Variants in CFAP299 observed in about 807,000 individuals in gnomAD.
CFAP299 encodes the protein cilia- and flagella-associated protein 299.
In CFAP299, 21 loss-of-function variants were observed where a neutral mutation model predicts 27.0. That is an observed-to-expected ratio of 0.78 (90% CI 0.55 to 1.12). The LOEUF is 1.12. CFAP299 is among the 50% of genes most tolerant of loss of function. The pLI, the probability that CFAP299 is intolerant of heterozygous loss-of-function variation, is 0.00. For synonymous variants in CFAP299, 104 were observed against 98.1 expected (o/e 1.06, Z -0.36); for missense variants, 310 against 276.6 (o/e 1.12, Z -0.86).
intron 2 of CFAP299, among the ~76,000 whole-genome samples, chr4:80,382,405 C>G (rs4611920): frequency 1.3e-3 from 195 of 152,204 alleles, no homozygotes; most frequent in African/African-American, 4.4e-3. Flanking sequence ...AGCAGACAAC[C>G]TACAGAATTG....
chr4:80,598,124 G>A (rs1737150179), intron 3 of CFAP299, among the ~76,000 whole-genome samples: 1 of 152,170 alleles, frequency 6.6e-6, no homozygotes, highest in Non-Finnish European at 1.5e-5. Context: ...AAGTTTAGAA[G>A]TTTTCAGTAT....
At chr4:80,926,253 C>A (rs976847410) in intron 4 of CFAP299, among the ~76,000 whole-genome samples, 1 of 152,012 alleles carries the variant, frequency 6.6e-6, no homozygotes, top group African/African-American at 2.4e-5. Flanking sequence ...AGAGAGATGG[C>A]TTCCAGGTTT....
At chr4:80,563,318 A>G (rs994821286) in intron 2 of CFAP299, among the ~76,000 whole-genome samples, 1 of 152,180 alleles carries the variant, frequency 6.6e-6, no homozygotes, top group Non-Finnish European at 1.5e-5. Flanking sequence ...GTCTTAAAAC[A>G]TTCAAAAAAT....
At chr4:80,812,837 ATTAC>A (rs1172939783) in intron 3 of CFAP299, among the ~76,000 whole-genome samples, 3 of 152,136 alleles carry the variant, frequency 2.0e-5, no homozygotes, top group Non-Finnish European at 4.4e-5. Context: ...AGATTTCTAT[ATTAC>A]TTATTACAAG....
At chr4:80,692,928 C>CA (rs1560702499) in intron 3 of CFAP299, among the ~76,000 whole-genome samples, 1 of 151,922 alleles carries the variant, frequency 6.6e-6, no homozygotes, top group Non-Finnish European at 1.5e-5. Flanking sequence ...TTTATGCAGC[C>CA]AAAAAACACA....
intron 2 of CFAP299, among the ~76,000 whole-genome samples, chr4:80,408,440 A>T (rs1726540136): frequency 6.6e-6 from 1 of 152,110 alleles, no homozygotes; most frequent in South Asian, 2.1e-4. Context: ...CTTTTGTGAA[A>T]AGCCTGTTTT....
chr4:80,520,665 A>T (rs1732863342), intron 2 of CFAP299, among the ~76,000 whole-genome samples: 1 of 152,194 alleles, frequency 6.6e-6, no homozygotes, highest in South Asian at 2.1e-4. Context: ...CTCTTCACGC[A>T]TAGTGGGGAG....
chr4:80,853,291 A>G (rs1731633439), intron 3 of CFAP299, among the ~76,000 whole-genome samples: 2 of 152,308 alleles, frequency 1.3e-5, no homozygotes, highest in East Asian at 3.9e-4. Flanking sequence ...TCGACCTCCC[A>G]AAGTGCTGGG....
intron 3 of CFAP299, among the ~76,000 whole-genome samples, chr4:80,827,955 A>G (rs186304682): frequency 1.3e-5 from 2 of 152,206 alleles, no homozygotes; most frequent in Admixed American, 1.3e-4. Flanking sequence ...TTATAATAAT[A>G]TGAAATAGAA....
chr4:80,532,862 T>TGG (rs1233013786), intron 2 of CFAP299, among the ~76,000 whole-genome samples: 3 of 152,194 alleles, frequency 2.0e-5, no homozygotes, highest in African/African-American at 7.2e-5. Context: ...GGTAGGTCAC[T>TGG]GGGGGTGGCT....
intron 3 of CFAP299, among the ~76,000 whole-genome samples, chr4:80,651,487 C>T (rs1158341895): frequency 6.6e-6 from 1 of 151,164 alleles, no homozygotes; most frequent in Non-Finnish European, 1.5e-5. Flanking sequence ...CACCTCAGCC[C>T]CTCAAGTAAC....
At chr4:80,477,410 T>C (rs2110123190) in intron 2 of CFAP299, among the ~76,000 whole-genome samples, 1 of 152,262 alleles carries the variant, frequency 6.6e-6, no homozygotes, top group East Asian at 1.9e-4. Context: ...TTTCTGTCAC[T>C]CTCTTTATCC....
chr4:80,606,679 G>A (rs1314416555), intron 3 of CFAP299, among the ~76,000 whole-genome samples: 3 of 152,032 alleles, frequency 2.0e-5, no homozygotes, highest in South Asian at 2.1e-4. Context: ...GCTCTTCCAT[G>A]GCTTGCTCTT....
intron 5 of CFAP299, among the ~76,000 whole-genome samples, chr4:80,953,258 G>C (rs916749972): frequency 1.3e-5 from 2 of 152,206 alleles, no homozygotes; most frequent in Admixed American, 1.3e-4. Flanking sequence ...TTCCTTGGAG[G>C]CCTCTTATAA....
intron 3 of CFAP299, among the ~76,000 whole-genome samples, chr4:80,782,680 AT>A (rs1726982580): frequency 7.9e-6 from 1 of 127,360 alleles, no homozygotes; most frequent in South Asian, 2.1e-4. Context: ...TAATATACAT[AT>A]ATGAATATAT....
At chr4:80,940,986 G>A (rs1423331423) in intron 4 of CFAP299, among the ~76,000 whole-genome samples, 6 of 152,056 alleles carry the variant, frequency 3.9e-5, no homozygotes, top group African/African-American at 1.4e-4. Context: ...GTTTCTGTGG[G>A]GGATTCGTTC....
At chr4:80,817,828 T>C (rs911843604) in intron 3 of CFAP299, among the ~76,000 whole-genome samples, 11 of 150,918 alleles carry the variant, frequency 7.3e-5, no homozygotes, top group Non-Finnish European at 1.3e-4. Context: ...ATAGTTTTCT[T>C]TTTTTTTTTC....
chr4:80,553,569 T>C (rs1297734936), intron 2 of CFAP299, among the ~76,000 whole-genome samples: 2 of 152,222 alleles, frequency 1.3e-5, no homozygotes, highest in South Asian at 2.1e-4. Context: ...TTCAGCTTTT[T>C]GAGGAATCAC....
chr4:80,578,505 T>TATAAG (rs1289516201), intron 2 of CFAP299, among the ~76,000 whole-genome samples: 9 of 152,194 alleles, frequency 5.9e-5, no homozygotes, highest in South Asian at 2.1e-4. Flanking sequence ...TCATTGAGTT[T>TATAAG]ATAAGAAATG....
Sources: gnomAD v4.1 joint callset for allele counts (sites outside exome capture counted in the v4.1 genomes callset) on GRCh38, gnomAD v4.1.1 for gene constraint, MANE v1.5 for transcripts, NCBI Gene and HGNC (gene_info 2026-07-23, HGNC 2026-07-21) for gene names.